Variants in STXBP5 observed in about 807,000 individuals in gnomAD.
STXBP5 encodes the protein syntaxin binding protein 5.
Under a neutral mutation model 152.4 loss-of-function variants are expected in STXBP5, and 50 were observed. The observed-to-expected ratio is 0.33, with a 90% CI of 0.26 to 0.42. The LOEUF is 0.42. STXBP5 is among the 10% of genes least tolerant of loss of function. STXBP5 has a pLI of 1.00. For missense variants in STXBP5, 1,167 were observed against 1,388.6 expected, an observed-to-expected ratio of 0.84 and a Z score of 2.54; for synonymous variants, 492 against 494.7, an observed-to-expected ratio of 0.99 and a Z score of 0.07.
intron 21 of STXBP5, among the ~76,000 whole-genome samples, chr6:147,346,572 T>C (rs538008655): frequency 3.9e-5 from 6 of 151,974 alleles, no homozygotes; most frequent in Non-Finnish European, 7.4e-5. Context: ...ACCCCGTCCC[T>C]CATAAAAGTA....
At chr6:147,309,522 T>C (rs1782261729) in intron 9 of STXBP5, among the ~76,000 whole-genome samples, 4 of 152,160 alleles carry the variant, frequency 2.6e-5, no homozygotes, top group South Asian at 2.1e-4. Flanking sequence ...ATTAGAATTA[T>C]CAGGCTGGCA....
intron 22 of STXBP5, among the ~76,000 whole-genome samples, chr6:147,355,285 T>C (rs1432864464): frequency 6.6e-6 from 1 of 152,160 alleles, no homozygotes; most frequent in Non-Finnish European, 1.5e-5. Context: ...GGCATTATGT[T>C]TTGATTTGGG....
intron 21 of STXBP5, among the ~76,000 whole-genome samples, chr6:147,348,832 G>A (rs1784456529): frequency 6.6e-6 from 1 of 152,024 alleles, no homozygotes; most frequent in Admixed American, 6.6e-5. Context: ...TATACTGACA[G>A]TTAATGACAT....
intron 18 of STXBP5, 73 bp downstream of exon 18, chr6:147,327,349 G>A (rs1366211987): frequency 5.9e-6 from 9 of 1,512,674 alleles, no homozygotes; most frequent in Non-Finnish European, 8.0e-6. Context: ...GTGAATATAA[G>A]TATTATAGTT....
At chr6:147,310,050 C>A (rs1782286819) in intron 9 of STXBP5, 34 bp from the exon 10 acceptor site, 6 of 1,372,642 alleles carry the variant, frequency 4.4e-6, no homozygotes, top group African/African-American at 1.5e-5. Flanking sequence ...CTTTACTATG[C>A]CATTAATAAT....
chr6:147,284,108 T>C (rs138485135), intron 8 of STXBP5, among the ~76,000 whole-genome samples: 2 of 152,328 alleles, frequency 1.3e-5, no homozygotes, highest in East Asian at 3.9e-4. Context: ...GATATTTTAT[T>C]CTTTTTTTGT....
intron 2 of STXBP5, among the ~76,000 whole-genome samples, chr6:147,208,674 C>T (rs984108140): frequency 1.3e-5 from 2 of 151,952 alleles, no homozygotes; most frequent in South Asian, 2.1e-4. Context: ...GAAAAGTAGG[C>T]GATGTTTTCA....
At chr6:147,372,401 CTTTTCCTTTTTTTTTT>C in intron 25 of STXBP5, among the ~76,000 whole-genome samples, 1 of 9,614 alleles carries the variant, frequency 1.0e-4, no homozygotes, top group Non-Finnish European at 2.2e-4. Flanking sequence ...TACTACCGTC[CTTTTCCTTTTTTTTTT>C]TTTTTTTTTT....
intron 24 of STXBP5, 70 bp downstream of exon 24, chr6:147,363,774 T>C: frequency 6.6e-7 from 1 of 1,519,080 alleles, no homozygotes; most frequent in Non-Finnish European, 8.8e-7. Flanking sequence ...CAGAATTGTT[T>C]AAAAGAAATG....
chr6:147,232,183 G>A (rs2115157713), intron 2 of STXBP5, among the ~76,000 whole-genome samples: 1 of 151,924 alleles, frequency 6.6e-6, no homozygotes, highest in East Asian at 1.9e-4. Context: ...GCTGGCATAT[G>A]AACTAACTTG....
chr6:147,313,937 C>T lies in STXBP5; in HGVS notation c.1199C>T (p.Thr400Ile). 6.2e-7 allele frequency: 1 copy of T among 1,602,310 alleles called. No individual in the cohort carries two copies. Among genetic ancestry groups the T allele is most frequent in the Non-Finnish European group, 8.5e-7 (1 of 1,171,962 alleles). Residue 400 changes from threonine to isoleucine, a missense_variant, in exon 12 of 28, where the codon ACA (threonine) becomes ATA (isoleucine). Thr to Ile is a moderately conservative substitution (Grantham distance 89). Coordinates refer to ENST00000321680, the MANE Select transcript of STXBP5 (RefSeq NM_001127715.4). ...YPLSIHESPV[T>I]CCEYFADCPV... is the part of the protein sequence containing the mutation. ...TTGAGTATACATGAGTCCCCTGTTA[C>T]ATGTTGCGAATATTTTGCGGATTGT...
chr6:147,282,023 A>G (rs1780726286), intron 8 of STXBP5, among the ~76,000 whole-genome samples: 1 of 152,186 alleles, frequency 6.6e-6, no homozygotes, highest in African/African-American at 2.4e-5. Context: ...TATTGGTTCT[A>G]CTGTGTGATA....
intron 17 of STXBP5, 37 bp from the exon 18 acceptor site, chr6:147,327,088 G>C (rs1221364494): frequency 6.3e-7 from 1 of 1,589,250 alleles, no homozygotes; most frequent in Non-Finnish European, 8.6e-7. Flanking sequence ...GGAATTATTT[G>C]TTTGTGCTAA....
At chr6:147,310,878 A>T (rs1014017454) in intron 10 of STXBP5, among the ~76,000 whole-genome samples, 2 of 151,290 alleles carry the variant, frequency 1.3e-5, no homozygotes, top group Non-Finnish European at 3.0e-5. Flanking sequence ...ATATATGTAT[A>T]TTTTTTTTTC....
chr6:147,310,355 A>G, intron 10 of STXBP5, 117 bp downstream of exon 10: 1 of 749,446 alleles, frequency 1.3e-6, no homozygotes, highest in Non-Finnish European at 1.8e-6. Flanking sequence ...CTTCTGGAGA[A>G]GAGCTGCTGC....
At chr6:147,334,616 C>T (rs1783739398) in intron 19 of STXBP5, among the ~76,000 whole-genome samples, 1 of 151,848 alleles carries the variant, frequency 6.6e-6, no homozygotes, top group Non-Finnish European at 1.5e-5. Context: ...TAATTATAGA[C>T]TAGTTGTATG....
At chr6:147,226,297 A>C (rs1027001230) in intron 2 of STXBP5, among the ~76,000 whole-genome samples, 1 of 145,270 alleles carries the variant, frequency 6.9e-6, no homozygotes, top group African/African-American at 2.7e-5. Context: ...TGATACCCTT[A>C]CAAAAAAAAA....
chr6:147,215,952 A>G (rs978445669), intron 2 of STXBP5, among the ~76,000 whole-genome samples: 1 of 152,276 alleles, frequency 6.6e-6, no homozygotes, highest in Admixed American at 6.5e-5. Context: ...TATCATATAC[A>G]TATGTGTAGG....
intron 2 of STXBP5, among the ~76,000 whole-genome samples, chr6:147,209,171 G>A (rs1776724707): frequency 1.3e-5 from 2 of 151,942 alleles, no homozygotes; most frequent in Non-Finnish European, 2.9e-5. Context: ...ATATTTCAAG[G>A]ACTGAGCAGA....
Sources: allele counts gnomAD v4.1 joint callset (sites outside exome capture counted in the v4.1 genomes callset), GRCh38; gene constraint gnomAD v4.1.1; transcripts MANE v1.5; gene names NCBI Gene and HGNC (gene_info 2026-07-23, HGNC 2026-07-21).